Variants in STAU2 observed in about 807,000 individuals in gnomAD.
The protein encoded by STAU2 is double-stranded RNA-binding protein Staufen homolog 2.
A neutral mutation model predicts 65.9 loss-of-function variants in STAU2; 20 were observed. The observed-to-expected ratio is 0.30, with a 90% confidence interval of 0.21 to 0.44. The LOEUF (loss-of-function observed/expected upper bound fraction) is 0.44. Among genes scored for constraint, STAU2 ranks in the 20% least tolerant of loss-of-function variants. The pLI, the probability that STAU2 is intolerant of heterozygous loss-of-function variation, is 1.00. For synonymous variants in STAU2, 232 were observed against 233.9 expected, an observed-to-expected ratio of 0.99 and a Z score of 0.07; for missense variants, 558 against 683.9, an observed-to-expected ratio of 0.82 and a Z score of 2.05.
At chr8:73,568,314 A>G (rs912877159) in intron 12 of STAU2, among the ~76,000 whole-genome samples, 1 of 152,254 alleles carries the variant, frequency 6.6e-6, no homozygotes, top group Non-Finnish European at 1.5e-5. Context: ...AGAAAGACTC[A>G]ATGATTAAGC....
At chr8:73,484,841 C>T (rs953726483) in intron 13 of STAU2, among the ~76,000 whole-genome samples, 48 of 152,046 alleles carry the variant, frequency 3.2e-4, no homozygotes, top group African/African-American at 9.9e-4. Flanking sequence ...GTTCAAATTA[C>T]GTACAAAGGT....
At chr8:73,704,179 A>G (rs1034422208) in intron 4 of STAU2, among the ~76,000 whole-genome samples, 2 of 152,220 alleles carry the variant, frequency 1.3e-5, no homozygotes, top group Non-Finnish European at 2.9e-5. Context: ...CTCATATAAC[A>G]ATCACTACAT....
chr8:73,709,400 A>T (rs540010834), intron 3 of STAU2, among the ~76,000 whole-genome samples: 3 of 152,112 alleles, frequency 2.0e-5, no homozygotes, highest in Non-Finnish European at 4.4e-5. Flanking sequence ...TGTATATAAC[A>T]GCATGCTTAA....
intron 9 of STAU2, among the ~76,000 whole-genome samples, chr8:73,611,486 T>C (rs1381333405): frequency 6.6e-6 from 1 of 152,178 alleles, no homozygotes; most frequent in Non-Finnish European, 1.5e-5. Flanking sequence ...ACTTATATAC[T>C]GGAAGCAGTA....
intron 7 of STAU2, among the ~76,000 whole-genome samples, chr8:73,616,899 T>A (rs1812867803): frequency 6.6e-6 from 1 of 152,108 alleles, no homozygotes; most frequent in African/African-American, 2.4e-5. Flanking sequence ...TGAGAATGAG[T>A]GAGATTACTT....
chr8:73,679,724 CAAAAA>C (rs200202936), intron 5 of STAU2, among the ~76,000 whole-genome samples: 2 of 137,444 alleles, frequency 1.5e-5, no homozygotes, highest in Non-Finnish European at 3.2e-5. Flanking sequence ...ACTAAAAATA[CAAAAA>C]AAAAAAAAAT....
intron 10 of STAU2, among the ~76,000 whole-genome samples, chr8:73,597,848 C>T (rs771040217): frequency 2.6e-5 from 4 of 152,024 alleles, no homozygotes; most frequent in African/African-American, 4.8e-5. Context: ...TTAAAAACTT[C>T]GCAAAAAGGA....
chr8:73,434,458 C>A (rs1004361324), intron 13 of STAU2, among the ~76,000 whole-genome samples: 2 of 151,916 alleles, frequency 1.3e-5, no homozygotes, highest in Admixed American at 1.3e-4. Context: ...TGAATACACT[C>A]TCCCTGTCAC....
At chr8:73,430,157 A>T (rs1261163679) in intron 13 of STAU2, among the ~76,000 whole-genome samples, 1 of 151,932 alleles carries the variant, frequency 6.6e-6, no homozygotes, top group Non-Finnish European at 1.5e-5. Flanking sequence ...TTCATTTCTT[A>T]CTTTCCTGTG....
At chr8:73,717,619 T>C (rs1821338958) in intron 3 of STAU2, among the ~76,000 whole-genome samples, 1 of 137,346 alleles carries the variant, frequency 7.3e-6, no homozygotes, top group Admixed American at 7.4e-5. Flanking sequence ...GATCTATTTG[T>C]CTTTTGTTGT....
chr8:73,590,094 G>T (rs552292548), intron 11 of STAU2, among the ~76,000 whole-genome samples: 51 of 148,832 alleles, frequency 3.4e-4, no homozygotes, highest in African/African-American at 1.2e-3. Context: ...GAAGTAGGGG[G>T]AGAAGGAAGT....
At chr8:73,514,531 C>T (rs1300830417) in intron 13 of STAU2, among the ~76,000 whole-genome samples, 2 of 152,214 alleles carry the variant, frequency 1.3e-5, no homozygotes, top group Non-Finnish European at 2.9e-5. Context: ...TCTTTGTCAA[C>T]TTCCATTTTT....
At chr8:73,734,314 A>C (rs1325707176) in intron 3 of STAU2, among the ~76,000 whole-genome samples, 2 of 151,636 alleles carry the variant, frequency 1.3e-5, no homozygotes, top group Admixed American at 1.3e-4. Context: ...ACATTCTTAA[A>C]AGGCAAAAAC....
chr8:73,551,610 G>T (rs1807338799), intron 13 of STAU2: 2 of 990,574 alleles, frequency 2.0e-6, no homozygotes, highest in Non-Finnish European at 2.4e-6. Context: ...ATCATAAAAA[G>T]AAACTCAATC....
intron 13 of STAU2, among the ~76,000 whole-genome samples, chr8:73,450,909 C>T (rs548561492): frequency 5.9e-5 from 9 of 152,264 alleles, no homozygotes; most frequent in African/African-American, 1.7e-4. Context: ...AAGAAGGTGA[C>T]GGCATTTGTA....
At chr8:73,470,469 G>A (rs1563611264) in intron 13 of STAU2, among the ~76,000 whole-genome samples, 1 of 152,280 alleles carries the variant, frequency 6.6e-6, no homozygotes, top group East Asian at 1.9e-4. Context: ...CAAAGTCGTA[G>A]GCTGGGGAAG....
intron 4 of STAU2, among the ~76,000 whole-genome samples, chr8:73,692,148 G>C (rs1819362120): frequency 6.6e-6 from 1 of 152,008 alleles, no homozygotes; most frequent in Non-Finnish European, 1.5e-5. Context: ...CACCCAGACA[G>C]GGCTTGGAAG....
At chr8:73,489,704 T>C (rs1295928850) in intron 13 of STAU2, among the ~76,000 whole-genome samples, 2 of 152,092 alleles carry the variant, frequency 1.3e-5, no homozygotes, top group Non-Finnish European at 2.9e-5. Flanking sequence ...CTTACTATTA[T>C]ATGCAAGATT....
chr8:73,716,913 G>A (rs1821290002), intron 3 of STAU2, among the ~76,000 whole-genome samples: 1 of 151,966 alleles, frequency 6.6e-6, no homozygotes, highest in African/African-American at 2.4e-5. Context: ...AAACCAGTCT[G>A]GGCAACATGG....
Sources: allele counts gnomAD v4.1 joint callset (sites outside exome capture counted in the v4.1 genomes callset), GRCh38; gene constraint gnomAD v4.1.1; transcripts MANE v1.5; gene names NCBI Gene and HGNC (gene_info 2026-07-23, HGNC 2026-07-21).